Variants in MEIS2 observed in about 807,000 individuals in gnomAD.
MEIS2 encodes homeobox protein Meis2.
Under a neutral mutation model 58.6 loss-of-function variants are expected in MEIS2, and 9 were observed. The ratio of observed to expected loss-of-function variants is 0.15; its 90% confidence interval spans 0.09 to 0.27. MEIS2 has a LOEUF of 0.27. Ranked by LOEUF, MEIS2 falls within the 10% of genes least tolerant of loss-of-function variation. The pLI is 1.00. For missense variants in MEIS2, 427 were observed against 635.0 expected (o/e 0.67, Z 3.52); for synonymous variants, 221 against 228.4 (o/e 0.97, Z 0.29).
At chr15:36,895,339 G>T in intron 10 of MEIS2, 78 bp from the exon 11 acceptor site, 1 of 1,251,530 alleles carries the variant, frequency 8.0e-7, no homozygotes, top group Non-Finnish European at 1.1e-6. Flanking sequence ...TCCCGCTGCA[G>T]CACTGAAACG....
chr15:37,099,357 G>A, intron 1 of MEIS2, 98 bp downstream of exon 1: 1 of 1,570,842 alleles, frequency 6.4e-7, no homozygotes, highest in East Asian at 2.3e-5. Flanking sequence ...ATCAAGCAGC[G>A]AGCAGCAGCA....
chr15:36,992,146 AT>A (rs2060319110), intron 8 of MEIS2, among the ~76,000 whole-genome samples: 1 of 152,094 alleles, frequency 6.6e-6, no homozygotes. Flanking sequence ...AGTCGGCTTC[AT>A]TTATAGTTTT....
intron 9 of MEIS2, among the ~76,000 whole-genome samples, chr15:36,942,336 C>T (rs1208190068): frequency 6.6e-6 from 1 of 152,122 alleles, no homozygotes; most frequent in Non-Finnish European, 1.5e-5. Flanking sequence ...ATGTATTTTT[C>T]TACCCAGGTT....
chr15:36,938,425 C>T (rs2058254944), intron 9 of MEIS2, among the ~76,000 whole-genome samples: 1 of 152,180 alleles, frequency 6.6e-6, no homozygotes, highest in South Asian at 2.1e-4. Flanking sequence ...GAAAGAATCC[C>T]CAAGCCCCTG....
intron 8 of MEIS2, among the ~76,000 whole-genome samples, chr15:36,995,956 G>GATATATATATATATAT (rs539738718): frequency 2.7e-5 from 3 of 112,946 alleles, no homozygotes; most frequent in African/African-American, 1.0e-4. Context: ...TCTAGTCTGA[G>GATATATATATATATAT]ATATATATAT....
chr15:36,927,585 C>T (rs2141318833), intron 9 of MEIS2, among the ~76,000 whole-genome samples: 1 of 152,256 alleles, frequency 6.6e-6, no homozygotes, highest in South Asian at 2.1e-4. Context: ...AGATGTGTTG[C>T]TTCTCTCACA....
chr15:36,939,937 T>C (rs760101334), intron 9 of MEIS2, among the ~76,000 whole-genome samples: 1 of 152,174 alleles, frequency 6.6e-6, no homozygotes, highest in Non-Finnish European at 1.5e-5. Context: ...AGTCTTTCAT[T>C]AATCAAGTGG....
intron 8 of MEIS2, among the ~76,000 whole-genome samples, chr15:37,014,143 A>G (rs973834151): frequency 6.6e-6 from 1 of 152,200 alleles, no homozygotes; most frequent in African/African-American, 2.4e-5. Flanking sequence ...TTCACAAACT[A>G]CTGTGATCTA....
intron 2 of MEIS2, chr15:37,097,195 G>T (rs918633382): frequency 6.6e-6 from 1 of 152,190 alleles, no homozygotes; most frequent in Non-Finnish European, 1.5e-5. Flanking sequence ...GGATGCTTGC[G>T]GCCTCTGGCT....
At chr15:36,946,388 C>T (rs1305254331) in intron 9 of MEIS2, among the ~76,000 whole-genome samples, 1 of 150,910 alleles carries the variant, frequency 6.6e-6, no homozygotes, top group African/African-American at 2.4e-5. Context: ...CCTACAGTTC[C>T]CTAATCTTAC....
intron 8 of MEIS2, among the ~76,000 whole-genome samples, chr15:37,012,872 C>G (rs1194739583): frequency 6.6e-6 from 1 of 151,954 alleles, no homozygotes; most frequent in East Asian, 1.9e-4. Context: ...TTTTTTGGCA[C>G]TTTAGGTATA....
rs111436677 is a variant in MEIS2, at chr15:37,056,471, T to A, written c.755-19512A>T. Reference sequence around the variant, plus strand: ...TTCCTTCAGAAAGAAAAGATTAAATTGAACAAAAAAAATGAATTAAGAGGT... The same window carrying A: ...TTCCTTCAGAAAGAAAAGATTAAATAGAACAAAAAAAATGAATTAAGAGGT... On this transcript the variant is annotated intron_variant, in intron 7 of 11. Coordinates refer to ENST00000561208, the MANE Select transcript of MEIS2 (RefSeq NM_170675.5). 2.1e-3 allele frequency among the ~76,000 whole-genome samples: 323 copies of A among 152,180 alleles called. 3 individuals are homozygous for A. Among genetic ancestry groups the A allele is most frequent in the African/African-American group, 7.5e-3 (310 of 41,508 alleles).
chr15:37,035,421 T>C (rs943369986), intron 8 of MEIS2, among the ~76,000 whole-genome samples: 2 of 152,220 alleles, frequency 1.3e-5, no homozygotes, highest in African/African-American at 4.8e-5. Context: ...TACTCCTGAT[T>C]ATCCCTGACC....
intron 9 of MEIS2, among the ~76,000 whole-genome samples, chr15:36,925,355 G>C (rs1023020331): frequency 1.3e-5 from 2 of 152,162 alleles, no homozygotes; most frequent in African/African-American, 2.4e-5. Flanking sequence ...TCATGAAGAT[G>C]GAGGGGCGCA....
intron 7 of MEIS2, among the ~76,000 whole-genome samples, chr15:37,049,817 C>T (rs149330040): frequency 3.4e-4 from 52 of 151,404 alleles, no homozygotes; most frequent in African/African-American, 1.2e-3. Context: ...AGATTTTGGC[C>T]TCCCACTACA....
At chr15:37,031,431 G>GTGTGTGTGTGTT (rs1555455693) in intron 8 of MEIS2, among the ~76,000 whole-genome samples, 1 of 151,726 alleles carries the variant, frequency 6.6e-6, no homozygotes. Flanking sequence ...ATGTGTGTGT[G>GTGTGTGTGTGTT]TGTGTGTGTG....
chr15:36,931,844 T>A (rs893037028), intron 9 of MEIS2, among the ~76,000 whole-genome samples: 14 of 152,242 alleles, frequency 9.2e-5, no homozygotes, highest in Non-Finnish European at 2.1e-4. Flanking sequence ...TTAGTGTCGC[T>A]ATTCTTAAAG....
intron 9 of MEIS2, among the ~76,000 whole-genome samples, chr15:36,918,589 A>G (rs1198552888): frequency 6.6e-6 from 1 of 152,236 alleles, no homozygotes; most frequent in Non-Finnish European, 1.5e-5. Flanking sequence ...GTTTAGCGGT[A>G]AAGCAATAAC....
intron 8 of MEIS2, among the ~76,000 whole-genome samples, chr15:37,000,173 T>C (rs919242170): frequency 3.9e-5 from 6 of 152,206 alleles, no homozygotes; most frequent in African/African-American, 1.4e-4. Context: ...CTCAATTGGT[T>C]GAATCAATTA....
Sources: allele counts gnomAD v4.1 joint callset (sites outside exome capture counted in the v4.1 genomes callset), GRCh38; gene constraint gnomAD v4.1.1; transcripts MANE v1.5; gene names NCBI Gene and HGNC (gene_info 2026-07-23, HGNC 2026-07-21).